Variants in C12orf42 observed in about 807,000 individuals in gnomAD.
C12orf42 encodes the protein uncharacterized protein C12orf42.
C12orf42 carries 25 observed loss-of-function variants against 21.6 expected under a neutral mutation model. That is an observed-to-expected ratio of 1.16 (90% CI 0.84 to 1.62). The LOEUF (loss-of-function observed/expected upper bound fraction) is 1.62. C12orf42 is among the 40% of genes most tolerant of loss of function. The pLI is 0.00. For synonymous variants in C12orf42, 174 were observed against 175.0 expected (o/e 0.99, Z 0.05); for missense variants, 483 against 459.3 (o/e 1.05, Z -0.47).
intron 10 of C12orf42, among the ~76,000 whole-genome samples, chr12:103,258,362 A>T (rs2136216967): frequency 6.6e-6 from 1 of 152,266 alleles, no homozygotes; most frequent in South Asian, 2.1e-4. Context: ...CAGCTAACAA[A>T]AATCTTCAGC....
At chr12:103,490,655 C>G (rs1416070887) in intron 1 of C12orf42, among the ~76,000 whole-genome samples, 5 of 151,830 alleles carry the variant, frequency 3.3e-5, no homozygotes, top group African/African-American at 7.2e-5. Flanking sequence ...AATGATAGGT[C>G]TCCTTGTTTT....
At chr12:103,396,419 A>C (rs2047541027) in intron 3 of C12orf42, 1 of 152,218 alleles carries the variant, frequency 6.6e-6, no homozygotes, top group African/African-American at 2.4e-5. Flanking sequence ...TAAATTACCC[A>C]GTCTCACAAG....
At chr12:103,521,396 T>C in the C12orf42 span, among the ~76,000 whole-genome samples, 3 of 152,160 alleles carry the variant, frequency 2.0e-5, no homozygotes, top group Admixed American at 6.5e-5. Context: ...TGGATGGAGC[T>C]TGAAGCCATT....
chr12:103,148,049 T>C, the C12orf42 span, among the ~76,000 whole-genome samples: 1 of 152,148 alleles, frequency 6.6e-6, no homozygotes, highest in Non-Finnish European at 1.5e-5. Flanking sequence ...CAAGTACAGA[T>C]GGTAGAATCA....
the C12orf42 span, among the ~76,000 whole-genome samples, chr12:103,091,220 C>A: frequency 6.6e-6 from 1 of 152,038 alleles, no homozygotes; most frequent in East Asian, 1.9e-4. Flanking sequence ...TGATCAGCCC[C>A]CTATTAGAGC....
the C12orf42 span, among the ~76,000 whole-genome samples, chr12:103,117,388 A>G: frequency 1.1e-4 from 17 of 152,218 alleles, no homozygotes; most frequent in African/African-American, 3.9e-4. Flanking sequence ...TTTAGTGTTT[A>G]GCCCTTTTTG....
intron 3 of C12orf42, among the ~76,000 whole-genome samples, chr12:103,394,591 A>G (rs922734617): frequency 6.6e-6 from 1 of 152,238 alleles, no homozygotes; most frequent in Non-Finnish European, 1.5e-5. Flanking sequence ...TGAAACACGA[A>G]ACCATTGAAC....
At chr12:103,188,715 C>A in the C12orf42 span, among the ~76,000 whole-genome samples, 1 of 152,174 alleles carries the variant, frequency 6.6e-6, no homozygotes, top group East Asian at 1.9e-4. Context: ...TGCTTCCTCT[C>A]TTGTCATATG....
chr12:103,227,086 T>C, the C12orf42 span, among the ~76,000 whole-genome samples: 1 of 151,856 alleles, frequency 6.6e-6, no homozygotes, highest in East Asian at 1.9e-4. Context: ...AGGTGGTGAG[T>C]TGAAGAGGTT....
At chr12:103,281,375 C>T (rs1001496631) in intron 4 of C12orf42, among the ~76,000 whole-genome samples, 2 of 152,058 alleles carry the variant, frequency 1.3e-5, no homozygotes, top group African/African-American at 2.4e-5. Context: ...GTTTGTTGTT[C>T]TCTTTGAGAT....
chr12:103,199,174 T>C, the C12orf42 span, among the ~76,000 whole-genome samples: 1 of 152,150 alleles, frequency 6.6e-6, no homozygotes, highest in African/African-American at 2.4e-5. Flanking sequence ...TATGGTCAAC[T>C]GATGTTTCAC....
At chr12:103,097,911 G>A in the C12orf42 span, among the ~76,000 whole-genome samples, 1 of 152,272 alleles carries the variant, frequency 6.6e-6, no homozygotes. Context: ...TGTGGGGACT[G>A]CAAGCCACAA....
the C12orf42 span, among the ~76,000 whole-genome samples, chr12:103,136,067 A>AT: frequency 6.6e-6 from 1 of 151,496 alleles, no homozygotes; most frequent in Admixed American, 6.6e-5. Context: ...TCAAGAGGCA[A>AT]AAATAAAACC....
chr12:103,436,637 G>C (rs1401360050), intron 2 of C12orf42, among the ~76,000 whole-genome samples: 2 of 150,870 alleles, frequency 1.3e-5, no homozygotes, highest in Non-Finnish European at 3.0e-5. Context: ...AACCAACAAA[G>C]ATCAAAAGAG....
chr12:103,194,388 C>A, the C12orf42 span, among the ~76,000 whole-genome samples: 1 of 152,020 alleles, frequency 6.6e-6, no homozygotes, highest in Non-Finnish European at 1.5e-5. Flanking sequence ...ATTACCTTTG[C>A]TTGAAAATGA....
At chr12:103,164,618 T>C in the C12orf42 span, 2 of 424,002 alleles carry the variant, frequency 4.7e-6, no homozygotes, top group Non-Finnish European at 9.5e-6. Context: ...ATATTTTCCA[T>C]ATACTTATAC....
chr12:103,420,035 TATC>T (rs1333253085), intron 2 of C12orf42, among the ~76,000 whole-genome samples: 1 of 152,182 alleles, frequency 6.6e-6, no homozygotes, highest in Non-Finnish European at 1.5e-5. Flanking sequence ...ATGACACAGA[TATC>T]ATATAAAATT....
chr12:103,282,326 T>C (rs1301053679), intron 4 of C12orf42, among the ~76,000 whole-genome samples: 2 of 152,242 alleles, frequency 1.3e-5, no homozygotes, highest in Non-Finnish European at 2.9e-5. Flanking sequence ...AGTCATGTGC[T>C]GCATAACAAT....
the C12orf42 span, among the ~76,000 whole-genome samples, chr12:103,552,417 G>A: frequency 5.9e-5 from 9 of 152,118 alleles, no homozygotes; most frequent in African/African-American, 2.2e-4. Context: ...AACACAAAAG[G>A]AATTTTCATC....
Sources: gnomAD v4.1 joint callset for allele counts (sites outside exome capture counted in the v4.1 genomes callset) on GRCh38, gnomAD v4.1.1 for gene constraint, MANE v1.5 for transcripts, NCBI Gene and HGNC (gene_info 2026-07-23, HGNC 2026-07-21) for gene names.